LGR6: variants seen among roughly 807,000 people sequenced by gnomAD.
LGR6 encodes the protein leucine rich repeat containing G protein-coupled receptor 6.
A neutral mutation model predicts 69.4 loss-of-function variants in LGR6; 45 were observed. That is an observed-to-expected ratio of 0.65 (90% confidence interval 0.51 to 0.83). The LOEUF (loss-of-function observed/expected upper bound fraction) is 0.83, where lower values mean the gene tolerates loss of function less well. Among genes scored for constraint, LGR6 ranks in the 40% least tolerant of loss-of-function variants. The probability of loss-of-function intolerance (pLI) is 0.00; values close to 1 mark genes in which losing one functional copy is unlikely to be tolerated. For missense variants in LGR6, 1,108 were observed against 1,246.7 expected, an observed-to-expected ratio of 0.89 and a Z score of 1.68; for synonymous variants, 538 against 555.0, an observed-to-expected ratio of 0.97 and a Z score of 0.43.
rs1453016069 is a variant in LGR6 at position 202,272,787 on chromosome 1, G to A, written c.429-3519G>A. The stretch of plus-strand genomic sequence containing the variant: ...AGCAAACGTGTGTACTCACACATAC[G>A]CACATACATAGCAAAGGCCACTTCC... On this transcript the variant is annotated intron_variant, in intron 4 of 17. Transcript: ENST00000367278. Among the ~76,000 whole-genome samples, 7 of 152,226 alleles carry A rather than the reference G, an allele frequency of 4.6e-5. No individual in the cohort carries two copies. In the East Asian group the frequency reaches 1.2e-3, roughly 25 times the overall value.
Position 202,288,101 on chromosome 1 carries a change from G to C in LGR6, c.716+7249G>C, listed in dbSNP as rs115445134. 2.1e-3 allele frequency among the ~76,000 whole-genome samples: 318 copies of C among 152,132 alleles called. 1 individual carries two copies. Among genetic ancestry groups the C allele is most frequent in the African/African-American group, 7.4e-3 (306 of 41,516 alleles). On this transcript the variant is annotated intron_variant, in intron 6 of 17. Coordinates refer to ENST00000367278, the MANE Select transcript of LGR6 (RefSeq NM_001017403.2). ...GTCACCCCCTCCTCAATCTAGTCCA[G>C]GCACGATGGCCTCCTTGAATATACT...
intron 9 of LGR6, among the ~76,000 whole-genome samples, chr1:202,301,641 C>T (rs1179699467): frequency 6.6e-6 from 1 of 152,204 alleles, no homozygotes; most frequent in Non-Finnish European, 1.5e-5. Context: ...GCTGTGCCAT[C>T]GTTATCACCC....
intron 6 of LGR6, among the ~76,000 whole-genome samples, chr1:202,287,599 G>A (rs1028052440): frequency 3.3e-5 from 5 of 152,014 alleles, no homozygotes; most frequent in Admixed American, 6.6e-5. Context: ...ACTAAACCCC[G>A]GAGTCTTTCC....
chr1:202,251,255 C>T (rs1348871375), intron 4 of LGR6, among the ~76,000 whole-genome samples: 2 of 152,162 alleles, frequency 1.3e-5, no homozygotes, highest in Non-Finnish European at 2.9e-5. Flanking sequence ...TCAGAGCCTG[C>T]ACGCTCGTAT....
intron 4 of LGR6, among the ~76,000 whole-genome samples, chr1:202,257,201 C>T (rs1182341209): frequency 1.3e-5 from 2 of 151,374 alleles, no homozygotes; most frequent in African/African-American, 2.4e-5. Context: ...GACATAAGTC[C>T]CTTATCAGAT....
intron 6 of LGR6, among the ~76,000 whole-genome samples, chr1:202,288,334 T>C (rs1666548415): frequency 6.6e-6 from 1 of 152,210 alleles, no homozygotes; most frequent in Admixed American, 6.5e-5. Flanking sequence ...CAATCTGATA[T>C]CCTAATAATG....
intron 3 of LGR6, among the ~76,000 whole-genome samples, chr1:202,233,712 C>T (rs1054898977): frequency 7.9e-5 from 12 of 152,212 alleles, no homozygotes; most frequent in African/African-American, 2.9e-4. Context: ...AATACTGAAA[C>T]GAGATACTAA....
chr1:202,201,635 C>T (rs1658842213), intron 1 of LGR6, among the ~76,000 whole-genome samples: 1 of 152,184 alleles, frequency 6.6e-6, no homozygotes, highest in African/African-American at 2.4e-5. Flanking sequence ...TTCCAAACTC[C>T]AAGGGAATGA....
chr1:202,314,985 C>T (rs1654036733), intron 17 of LGR6, 103 bp downstream of exon 17: 1 of 792,608 alleles, frequency 1.3e-6, no homozygotes, highest in Non-Finnish European at 2.2e-6. Flanking sequence ...CAGCCACATT[C>T]TTTGCCTGAC....
intron 1 of LGR6, chr1:202,194,500 G>A (rs190023592): frequency 1.8e-5 from 12 of 659,998 alleles, no homozygotes; most frequent in Admixed American, 1.4e-4. Context: ...TGAGCGGGAG[G>A]GCGCGGGGCT....
intron 4 of LGR6, among the ~76,000 whole-genome samples, chr1:202,245,539 C>G (rs539335363): frequency 1.3e-5 from 2 of 152,296 alleles, no homozygotes; most frequent in Admixed American, 6.5e-5. Context: ...TGCTAGCCCT[C>G]TCTGGCTATG....
At chr1:202,255,756 C>G (rs145272796) in intron 4 of LGR6, among the ~76,000 whole-genome samples, 1 of 152,182 alleles carries the variant, frequency 6.6e-6, no homozygotes, top group African/African-American at 2.4e-5. Flanking sequence ...CATACTCTTA[C>G]AAACACACAT....
At chr1:202,214,380 G>A (rs1571820467) in intron 1 of LGR6, 2 of 869,498 alleles carry the variant, frequency 2.3e-6, no homozygotes, top group East Asian at 6.7e-5. Context: ...TGGGAGCCGA[G>A]GCCGCCTCCC....
chr1:202,217,569 G>A (rs770322695), intron 1 of LGR6, among the ~76,000 whole-genome samples: 19 of 152,066 alleles, frequency 1.2e-4, no homozygotes, highest in South Asian at 2.1e-4. Context: ...ACCTTCGGGC[G>A]ACACTGTGGG....
At chr1:202,287,019 G>A (rs1399161789) in intron 6 of LGR6, among the ~76,000 whole-genome samples, 1 of 152,114 alleles carries the variant, frequency 6.6e-6, no homozygotes, top group African/African-American at 2.4e-5. Context: ...CAGCTGGTCT[G>A]GAATGGAGAG....
chr1:202,288,739 A>T (rs1011812911), intron 6 of LGR6, among the ~76,000 whole-genome samples: 3 of 152,180 alleles, frequency 2.0e-5, no homozygotes, highest in Non-Finnish European at 2.9e-5. Flanking sequence ...GACTGAACCC[A>T]CGAGGATGGT....
chr1:202,288,539 G>A (rs1316217699), intron 6 of LGR6, among the ~76,000 whole-genome samples: 1 of 152,126 alleles, frequency 6.6e-6, no homozygotes, highest in Non-Finnish European at 1.5e-5. Context: ...CATCTGTACT[G>A]GGAGGCATTG....
intron 1 of LGR6, among the ~76,000 whole-genome samples, chr1:202,217,492 C>G (rs757853757): frequency 6.6e-6 from 1 of 152,072 alleles, no homozygotes; most frequent in African/African-American, 2.4e-5. Context: ...TTGTTTCTCT[C>G]CCCTGACTTT....
intron 4 of LGR6, among the ~76,000 whole-genome samples, chr1:202,245,189 T>TC (rs1011714144): frequency 3.9e-5 from 6 of 152,128 alleles, no homozygotes; most frequent in Non-Finnish European, 8.8e-5. Flanking sequence ...GCAGATGGCC[T>TC]CCCTGGCATG....
Sources: allele counts gnomAD v4.1 joint callset (sites outside exome capture counted in the v4.1 genomes callset), GRCh38; gene constraint gnomAD v4.1.1; transcripts MANE v1.5; gene names NCBI Gene and HGNC (gene_info 2026-07-23, HGNC 2026-07-21).